Variants in PCDH7 observed in about 807,000 individuals in gnomAD.
The protein encoded by PCDH7 is protocadherin-7.
PCDH7 carries 17 observed loss-of-function variants against 58.9 expected under a neutral mutation model. The ratio of observed to expected loss-of-function variants is 0.29; its 90% confidence interval spans 0.20 to 0.43. The LOEUF (loss-of-function observed/expected upper bound fraction) is 0.43. Ranked by LOEUF, PCDH7 falls within the 20% of genes least tolerant of loss-of-function variation. The pLI is 1.00. For synonymous variants in PCDH7, 664 were observed against 616.4 expected (o/e 1.08, Z -1.14); for missense variants, 1,274 against 1,441.0 (o/e 0.88, Z 1.88).
At chr4:30,908,375 G>A (rs1741275013) in intron 1 of PCDH7, among the ~76,000 whole-genome samples, 1 of 152,088 alleles carries the variant, frequency 6.6e-6, no homozygotes, top group Admixed American at 6.6e-5. Flanking sequence ...ATGCTAAGGT[G>A]ATATAGATTA....
chr4:30,726,118 A>T (rs1411542947), intron 1 of PCDH7, among the ~76,000 whole-genome samples: 1 of 152,018 alleles, frequency 6.6e-6, no homozygotes, highest in Admixed American at 6.6e-5. Flanking sequence ...TGTTACATGG[A>T]GTGAGAAGCT....
At chr4:31,030,620 G>T (rs1754826416) in intron 3 of PCDH7, among the ~76,000 whole-genome samples, 2 of 152,130 alleles carry the variant, frequency 1.3e-5, no homozygotes, top group Admixed American at 1.3e-4. Flanking sequence ...GAAAGTTTTA[G>T]TGAATTTCAA....
chr4:31,006,228 TTG>T (rs1752759404), intron 3 of PCDH7, among the ~76,000 whole-genome samples: 1 of 152,196 alleles, frequency 6.6e-6, no homozygotes, highest in Non-Finnish European at 1.5e-5. Flanking sequence ...TAATGTTTAA[TTG>T]TAACACATTT....
intron 1 of PCDH7, among the ~76,000 whole-genome samples, chr4:30,865,965 G>A (rs1734832280): frequency 1.3e-5 from 2 of 152,062 alleles, no homozygotes; most frequent in South Asian, 4.1e-4. Context: ...TCCGTGGAGT[G>A]GAAAACTGGA....
chr4:30,794,945 A>T (rs1040916297), intron 1 of PCDH7, among the ~76,000 whole-genome samples: 3 of 152,118 alleles, frequency 2.0e-5, no homozygotes, highest in African/African-American at 7.2e-5. Context: ...TAATGATTTG[A>T]TCTGAGAGTG....
At chr4:31,035,207 A>G (rs577919459) in intron 3 of PCDH7, among the ~76,000 whole-genome samples, 1 of 147,396 alleles carries the variant, frequency 6.8e-6, no homozygotes, top group Non-Finnish European at 1.5e-5. Context: ...TCAATTCAAT[A>G]TGACCTCAGC....
intron 1 of PCDH7, among the ~76,000 whole-genome samples, chr4:30,779,952 C>T (rs548690292): frequency 6.6e-6 from 1 of 152,194 alleles, no homozygotes; most frequent in Admixed American, 6.5e-5. Flanking sequence ...TGAATACCAG[C>T]CAATACTGCT....
intron 1 of PCDH7, among the ~76,000 whole-genome samples, chr4:30,822,836 C>A (rs1343231383): frequency 6.6e-6 from 1 of 152,120 alleles, no homozygotes; most frequent in East Asian, 1.9e-4. Context: ...CTAGTGGTAA[C>A]AGAAACCTTT....
chr4:30,884,468 G>A (rs1336886428), intron 1 of PCDH7: 1 of 152,102 alleles, frequency 6.6e-6, no homozygotes, highest in African/African-American at 2.4e-5. Context: ...TTCAATTAGG[G>A]TAGTGCATAG....
rs73815149 is a variant in PCDH7 at position 31,009,718 on chromosome 4, C to T, written c.*7+59503C>T. On this transcript the variant is annotated intron_variant, in intron 3 of 3. Coordinates refer to the PCDH7 transcript ENST00000509759. ...ATATTTTCAGGAAATTTATTTTGGG[C>T]TGACTTCTCCCAATAACTAGCCATA... 3.2e-3 allele frequency among the ~76,000 whole-genome samples: 481 copies of T among 151,990 alleles called. 2 individuals carry two copies. Among genetic ancestry groups the T allele is most frequent in the African/African-American group, 0.011 (464 of 41,516 alleles).
At chr4:30,831,062 G>T (rs1347722308) in intron 1 of PCDH7, among the ~76,000 whole-genome samples, 1 of 152,018 alleles carries the variant, frequency 6.6e-6, no homozygotes, top group African/African-American at 2.4e-5. Flanking sequence ...CTAGTTAACG[G>T]TTTCCCACAG....
chr4:30,871,282 G>A (rs906651920), intron 1 of PCDH7, among the ~76,000 whole-genome samples: 1 of 152,042 alleles, frequency 6.6e-6, no homozygotes, highest in Admixed American at 6.6e-5. Context: ...AGTTAGCAGA[G>A]GATGGGTAGG....
chr4:30,832,180 G>A (rs1444578386), intron 1 of PCDH7, among the ~76,000 whole-genome samples: 2 of 152,236 alleles, frequency 1.3e-5, no homozygotes, highest in East Asian at 1.9e-4. Context: ...ATGAAACCTG[G>A]TTTCGGCTAG....
chr4:30,885,791 A>G (rs1320016077), intron 1 of PCDH7, among the ~76,000 whole-genome samples: 1 of 152,164 alleles, frequency 6.6e-6, no homozygotes, highest in African/African-American at 2.4e-5. Flanking sequence ...TCAATGGAAC[A>G]GAACAGAGCC....
At position 30,959,486 on chromosome 4, in the gene PCDH7, G is replaced by C. The variant is rs185010190; in HGVS notation, c.*7+9271G>C. ...ATAACCTCTTATCACTGAGCATTTT[G>C]GCAAAAGTAAAACATGAACTATTAT... On this transcript the variant is annotated intron_variant, in intron 3 of 3. Coordinates refer to the PCDH7 transcript ENST00000509759. Among the ~76,000 whole-genome samples, 20 of 152,052 alleles carry C rather than the reference G, an allele frequency of 1.3e-4. No homozygotes were observed. The East Asian group carries it at 3.5e-3, about 26-fold the overall frequency.
intron 3 of PCDH7, among the ~76,000 whole-genome samples, chr4:30,987,200 A>C (rs1034292862): frequency 6.6e-6 from 1 of 152,182 alleles, no homozygotes; most frequent in South Asian, 2.1e-4. Flanking sequence ...AACAAACAAC[A>C]ACAAAAACAA....
At chr4:31,078,245 A>G (rs1158118507) in intron 3 of PCDH7, among the ~76,000 whole-genome samples, 1 of 152,090 alleles carries the variant, frequency 6.6e-6, no homozygotes, top group Admixed American at 6.6e-5. Context: ...AGTCAGCTTT[A>G]AACATCTACC....
chr4:30,863,695 T>C (rs34368031), intron 1 of PCDH7, among the ~76,000 whole-genome samples: 3,057 of 152,176 alleles, frequency 0.02, 47 homozygotes, highest in Non-Finnish European at 0.032. Context: ...CATATACTCA[T>C]TGGTGAGGTT....
At chr4:30,963,660 T>C (rs1748697440) in intron 3 of PCDH7, among the ~76,000 whole-genome samples, 1 of 152,152 alleles carries the variant, frequency 6.6e-6, no homozygotes, top group South Asian at 2.1e-4. Context: ...GAGAGTAAGA[T>C]GGTATAGGCT....
Sources: gnomAD v4.1 joint callset for allele counts (sites outside exome capture counted in the v4.1 genomes callset) on GRCh38, gnomAD v4.1.1 for gene constraint, MANE v1.5 for transcripts, NCBI Gene and HGNC (gene_info 2026-07-23, HGNC 2026-07-21) for gene names.